The following TRPS1 variants were observed in gnomAD, a reference collection of about 807,000 sequenced individuals.
TRPS1 encodes zinc finger transcription factor Trps1.
In TRPS1, 6 loss-of-function variants were observed where a neutral mutation model predicts 101.2. The observed-to-expected ratio is 0.06, with a 90% CI of 0.03 to 0.12. TRPS1 has a LOEUF of 0.12. Ranked by LOEUF, TRPS1 falls within the 10% of genes least tolerant of loss-of-function variation. The probability of loss-of-function intolerance (pLI) is 1.00; values close to 1 mark genes in which losing one functional copy is unlikely to be tolerated. For synonymous variants in TRPS1, 578 were observed against 589.8 expected (o/e 0.98, Z 0.29); for missense variants, 1,363 against 1,567.0 (o/e 0.87, Z 2.20).
intron 1 of TRPS1, among the ~76,000 whole-genome samples, chr8:115,642,211 C>T (rs373647399): frequency 1.9e-5 from 2 of 107,898 alleles, no homozygotes. Flanking sequence ...AAGACCCTAT[C>T]TCAAAAAAAG....
chr8:115,460,710 A>C (rs1347629631), intron 5 of TRPS1, among the ~76,000 whole-genome samples: 2 of 152,142 alleles, frequency 1.3e-5, no homozygotes, highest in East Asian at 3.9e-4. Flanking sequence ...ATTAAGACTC[A>C]GAACTGCTTT....
At position 115,414,153 on chromosome 8, in the gene TRPS1, T is replaced by C. The variant is rs1331004968; in HGVS notation, c.3755A>G (p.Asp1252Gly). The change falls in exon 7 of 7, where the codon GAC (aspartate) becomes GGC (glycine). Residue 1252 changes from aspartate (D) to glycine (G), a missense_variant. By Grantham distance (94) the Asp-to-Gly change is moderately conservative. This residue lies in a region of TRPS1 where 307 missense variants were observed against 392.4 expected (regional missense o/e 0.78). Coordinates refer to ENST00000395715, the MANE Select transcript of TRPS1 (RefSeq NM_014112.5). The surrounding 1 kb of genome is among the most constrained non-coding windows in gnomAD (Gnocchi z 4.8). ...TATGCTGCACTGGAAAGGTCCACTG[T>C]CACCATGGCAACTCATATGCAAAGC... is the stretch of plus-strand genomic sequence containing the variant. ...MYALHMSCHG[D>G]SGPFQCSICQ... is the part of the protein sequence containing the mutation. 1 of 1,614,034 alleles carries C rather than the reference T, an allele frequency of 6.2e-7. No individual in the cohort carries two copies. Among genetic ancestry groups the C allele is most frequent in the Non-Finnish European group, 8.5e-7 (1 of 1,179,946 alleles).
At chr8:115,547,269 TTCTC>T (rs982054885) in intron 5 of TRPS1, among the ~76,000 whole-genome samples, 1 of 151,998 alleles carries the variant, frequency 6.6e-6, no homozygotes, top group Non-Finnish European at 1.5e-5. Flanking sequence ...AATGACTCAA[TTCTC>T]TCTCTCTGTC....
chr8:115,612,165 C>T (rs367622998), intron 3 of TRPS1, among the ~76,000 whole-genome samples: 5 of 128,716 alleles, frequency 3.9e-5, no homozygotes, highest in Non-Finnish European at 8.4e-5. Flanking sequence ...GAAAAAGAGG[C>T]CAAAGAGAGG....
chr8:115,548,254 T>TA (rs2130329621), intron 5 of TRPS1, among the ~76,000 whole-genome samples: 1 of 152,166 alleles, frequency 6.6e-6, no homozygotes, highest in East Asian at 1.9e-4. Context: ...TAAATAATCC[T>TA]AAACCTAAAG....
intron 5 of TRPS1, among the ~76,000 whole-genome samples, chr8:115,450,104 GC>G (rs1284242175): frequency 1.3e-5 from 2 of 152,186 alleles, no homozygotes; most frequent in African/African-American, 4.8e-5. Flanking sequence ...CACATCCTGT[GC>G]AGAGCCATGA....
At chr8:115,488,247 T>C (rs963034961) in intron 5 of TRPS1, among the ~76,000 whole-genome samples, 16 of 152,242 alleles carry the variant, frequency 1.1e-4, no homozygotes, top group African/African-American at 3.6e-4. Context: ...TATTGTATAC[T>C]TAGTACACTA....
intron 1 of TRPS1, among the ~76,000 whole-genome samples, chr8:115,635,337 C>T (rs1398241654): frequency 6.6e-6 from 1 of 152,172 alleles, no homozygotes; most frequent in African/African-American, 2.4e-5. Context: ...CTGGCATCAG[C>T]ACTCATTTTG....
intron 5 of TRPS1, among the ~76,000 whole-genome samples, chr8:115,500,629 C>G (rs2003643): frequency 0.68 from 103,633 of 152,006 alleles, 36,909 homozygotes; most frequent in African/African-American, 0.88. Flanking sequence ...GAGTACTGTG[C>G]TGTGATCTCA....
At chr8:115,591,749 A>G (rs1817683975) in intron 4 of TRPS1, among the ~76,000 whole-genome samples, 1 of 152,166 alleles carries the variant, frequency 6.6e-6, no homozygotes, top group East Asian at 1.9e-4. Context: ...TTTCCGTGAG[A>G]CCCAGGTTTT....
chr8:115,590,791 T>C (rs1817662663), intron 4 of TRPS1, among the ~76,000 whole-genome samples: 2 of 152,306 alleles, frequency 1.3e-5, no homozygotes, highest in South Asian at 4.1e-4. Context: ...ATGGTTCTTG[T>C]GCATAATAAG....
rs557052096 is a variant in TRPS1 at position 115,475,488 on chromosome 8, C to G, written c.2701-57036G>C. ...AAAAACGGAAGCCATTTAAGTTTCA[C>G]GAAAATTGAAAAGAAAGCAGTTCAG... On this transcript the variant is annotated intron_variant, in intron 5 of 6. Coordinates refer to ENST00000395715, the MANE Select transcript of TRPS1 (RefSeq NM_014112.5). Among the ~76,000 whole-genome samples, 217 of 151,536 alleles carry G rather than the reference C, an allele frequency of 1.4e-3. 1 individual carries two copies. Among genetic ancestry groups the G allele is most frequent in the Non-Finnish European group, 2.3e-3 (155 of 67,876 alleles).
intron 5 of TRPS1, among the ~76,000 whole-genome samples, chr8:115,573,849 C>T (rs1475893259): frequency 3.3e-5 from 5 of 152,060 alleles, no homozygotes; most frequent in African/African-American, 1.2e-4. Flanking sequence ...TACATTGTTT[C>T]TTCTATATTG....
At chr8:115,647,836 A>C (rs1374259695) in intron 1 of TRPS1, among the ~76,000 whole-genome samples, 1 of 151,862 alleles carries the variant, frequency 6.6e-6, no homozygotes, top group Admixed American at 6.6e-5. Flanking sequence ...TTATTCCTGG[A>C]CTCATTAATA....
At chr8:115,515,028 TTAAGA>T (rs1359987850) in intron 5 of TRPS1, among the ~76,000 whole-genome samples, 1 of 151,668 alleles carries the variant, frequency 6.6e-6, no homozygotes, top group Non-Finnish European at 1.5e-5. Flanking sequence ...AAGTACATAC[TTAAGA>T]TAATTAAGAT....
intron 5 of TRPS1, among the ~76,000 whole-genome samples, chr8:115,438,440 G>C (rs1300804459): frequency 2.6e-5 from 4 of 152,276 alleles, no homozygotes; most frequent in African/African-American, 9.6e-5. Flanking sequence ...TTCTGCTTCA[G>C]AGGAAAATAA....
At chr8:115,445,593 G>A (rs1194513032) in intron 5 of TRPS1, among the ~76,000 whole-genome samples, 2 of 152,102 alleles carry the variant, frequency 1.3e-5, no homozygotes, top group Admixed American at 1.3e-4. Flanking sequence ...GGAGAGGCAG[G>A]AAACTATGAC....
At chr8:115,430,208 T>C (rs548680614) in intron 5 of TRPS1, among the ~76,000 whole-genome samples, 5 of 152,190 alleles carry the variant, frequency 3.3e-5, no homozygotes, top group Non-Finnish European at 7.4e-5. Flanking sequence ...TTTCATATCT[T>C]GAATTGTCTT....
At chr8:115,641,327 T>C (rs1310616514) in intron 1 of TRPS1, among the ~76,000 whole-genome samples, 1 of 152,210 alleles carries the variant, frequency 6.6e-6, no homozygotes, top group Non-Finnish European at 1.5e-5. Flanking sequence ...TTCTTGGCAT[T>C]GCTTTCAAAT....
Sources: gnomAD v4.1 joint callset for allele counts (sites outside exome capture counted in the v4.1 genomes callset) on GRCh38, gnomAD v4.1.1 for gene constraint, gnomAD v4.1.1 regional missense constraint, Gnocchi (gnomAD v3.1) non-coding constraint, MANE v1.5 for transcripts, NCBI Gene and HGNC (gene_info 2026-07-23, HGNC 2026-07-21) for gene names.